Variants in TAB2 observed in about 807,000 individuals in gnomAD.
TAB2 encodes TGF-beta activated kinase 1 (MAP3K7) binding protein 2.
TAB2 carries 3 observed loss-of-function variants against 65.0 expected under a neutral mutation model. That is an observed-to-expected ratio of 0.05 (90% CI 0.02 to 0.12). The LOEUF (loss-of-function observed/expected upper bound fraction) is 0.12. TAB2 is among the 10% of genes least tolerant of loss of function. The pLI is 1.00. For missense variants in TAB2, 623 were observed against 840.3 expected, an observed-to-expected ratio of 0.74 and a Z score of 3.20; for synonymous variants, 298 against 285.1, an observed-to-expected ratio of 1.05 and a Z score of -0.46.
chr6:149,403,351 C>CATATATATACATATAT (rs1562456651), intron 6 of TAB2, among the ~76,000 whole-genome samples: 4 of 130,176 alleles, frequency 3.1e-5, no homozygotes, highest in African/African-American at 1.1e-4. Flanking sequence ...CACACACACA[C>CATATATATACATATAT]ACACACACAC....
intron 1 of TAB2, among the ~76,000 whole-genome samples, chr6:149,282,262 A>G (rs1220481738): frequency 2.0e-5 from 3 of 152,244 alleles, no homozygotes; most frequent in African/African-American, 7.2e-5. Context: ...GCTTCAAAAC[A>G]CATGAAGCAA....
chr6:149,326,278 A>G (rs1386464648), intron 1 of TAB2, among the ~76,000 whole-genome samples: 1 of 89,344 alleles, frequency 1.1e-5, no homozygotes, highest in Non-Finnish European at 2.7e-5. Context: ...TCTCAAAAAA[A>G]AAAAAAAAAA....
At chr6:149,300,149 T>C (rs1778947270) in intron 1 of TAB2, among the ~76,000 whole-genome samples, 1 of 152,200 alleles carries the variant, frequency 6.6e-6, no homozygotes, top group African/African-American at 2.4e-5. Context: ...ACTAGGAAGA[T>C]GGAAAACTAA....
chr6:149,373,782 A>C (rs192261742), intron 2 of TAB2, among the ~76,000 whole-genome samples: 1 of 152,176 alleles, frequency 6.6e-6, no homozygotes, highest in Non-Finnish European at 1.5e-5. Context: ...CTTTTGATAC[A>C]CTTCAAGAGA....
intron 3 of TAB2, among the ~76,000 whole-genome samples, chr6:149,395,036 A>G (rs237032): frequency 0.13 from 19,593 of 152,262 alleles, 1,336 homozygotes; most frequent in African/African-American, 0.18. Context: ...TAGTTTGCCT[A>G]CCTGTTTACC....
chr6:149,310,530 T>C (rs899506678), intron 1 of TAB2, among the ~76,000 whole-genome samples: 3 of 151,852 alleles, frequency 2.0e-5, no homozygotes, highest in African/African-American at 7.3e-5. Flanking sequence ...TAATTTGTTT[T>C]CTCAACCTTA....
At chr6:149,283,032 C>T (rs1387152704) in intron 1 of TAB2, among the ~76,000 whole-genome samples, 1 of 152,114 alleles carries the variant, frequency 6.6e-6, no homozygotes, top group East Asian at 1.9e-4. Context: ...AAAAAAGATT[C>T]ACAAGTGGCT....
At chr6:149,218,926 C>A (rs1777080610) in intron 1 of TAB2, 2 of 309,504 alleles carry the variant, frequency 6.5e-6, no homozygotes, top group Non-Finnish European at 1.4e-5. Flanking sequence ...CCATTGAAAT[C>A]TGTGACTGTA....
intron 1 of TAB2, among the ~76,000 whole-genome samples, chr6:149,284,342 C>T (rs1182658148): frequency 6.6e-6 from 1 of 152,162 alleles, no homozygotes; most frequent in Admixed American, 6.5e-5. Flanking sequence ...CCATCCCAGA[C>T]TTTCCCCAAG....
chr6:149,315,931 T>C (rs562788500), upstream of TAB2, among the ~76,000 whole-genome samples: 2 of 152,362 alleles, frequency 1.3e-5, no homozygotes, highest in South Asian at 4.1e-4. Context: ...GTACATTCCA[T>C]AAATTTTTTT....
At position 149,329,723 on chromosome 6, in the gene TAB2, G is replaced by A. The variant is rs73779306; in HGVS notation, c.-90+11708G>A. ...TAGATGGTATCCAACTGTGTATGCT[G>A]TTCATGTAGGGTGTTTAGACTGTGA... On this transcript the variant is annotated intron_variant, in intron 1 of 6. Transcript: ENST00000637181. Among the ~76,000 whole-genome samples, 375 of 152,098 alleles carry A rather than the reference G, an allele frequency of 2.5e-3. 2 individuals carry two copies. Among genetic ancestry groups the A allele is most frequent in the African/African-American group, 8.6e-3 (357 of 41,468 alleles).
intron 3 of TAB2, among the ~76,000 whole-genome samples, chr6:149,391,805 T>G (rs894524471): frequency 2.0e-5 from 3 of 152,156 alleles, no homozygotes; most frequent in Admixed American, 2.0e-4. Flanking sequence ...CCTCCGAAAG[T>G]GCTGGGATTA....
At chr6:149,399,423 C>T (rs1443929423) in intron 6 of TAB2, among the ~76,000 whole-genome samples, 1 of 152,060 alleles carries the variant, frequency 6.6e-6, no homozygotes, top group African/African-American at 2.4e-5. Context: ...ACACTATGTA[C>T]TCCCAACCAA....
chr6:149,357,840 C>T (rs1383823549), intron 1 of TAB2, among the ~76,000 whole-genome samples: 2 of 152,062 alleles, frequency 1.3e-5, no homozygotes, highest in African/African-American at 4.8e-5. Flanking sequence ...GCTAGGATTA[C>T]AGGCATCCAC....
intron 1 of TAB2, chr6:149,257,419 T>C (rs962844214): frequency 1.3e-5 from 2 of 152,156 alleles, no homozygotes; most frequent in Non-Finnish European, 2.9e-5. Flanking sequence ...GTCTGCCAGA[T>C]GGGGAAAAAC....
chr6:149,218,616 C>G, upstream of TAB2: 1 of 347,948 alleles, frequency 2.9e-6, no homozygotes, highest in Non-Finnish European at 5.9e-6. Flanking sequence ...CTCTTATATT[C>G]TTACAGATGA....
At chr6:149,339,706 C>A (rs982396723) in intron 1 of TAB2, among the ~76,000 whole-genome samples, 2 of 150,800 alleles carry the variant, frequency 1.3e-5, no homozygotes, top group Non-Finnish European at 2.9e-5. Flanking sequence ...TCAAGCGATT[C>A]TCCTACCTCA....
Position 149,234,404 on chromosome 6 carries a change from T to C in TAB2, c.-121+15628T>C, listed in dbSNP as rs541055446. Reference sequence around the variant, plus strand: ...TGAAGAGGGGTTGGCTGAAGGGCACTGGGGCCAGCAGGAAGTCAACCACTG... The same window carrying C: ...TGAAGAGGGGTTGGCTGAAGGGCACCGGGGCCAGCAGGAAGTCAACCACTG... On this transcript the variant is annotated intron_variant, in intron 1 of 1. Transcript: ENST00000606202. Among the ~76,000 whole-genome samples the C allele has an allele frequency of 3.8e-4, 58 of 152,232 alleles. 1 individual carries two copies. The highest frequency in any genetic ancestry group is 9.8e-4 in the Admixed American group (15 of 15,280).
chr6:149,382,647 C>A (rs574620326), intron 3 of TAB2, among the ~76,000 whole-genome samples: 2 of 151,950 alleles, frequency 1.3e-5, no homozygotes, highest in African/African-American at 4.8e-5. Context: ...ACAATGTTAA[C>A]CACTATCATA....
Sources: gnomAD v4.1 joint callset for allele counts (sites outside exome capture counted in the v4.1 genomes callset) on GRCh38, gnomAD v4.1.1 for gene constraint, MANE v1.5 for transcripts, NCBI Gene and HGNC (gene_info 2026-07-23, HGNC 2026-07-21) for gene names.